KAZN: variants seen among roughly 807,000 people sequenced by gnomAD.
KAZN encodes kazrin.
In KAZN, 40 loss-of-function variants were observed where a neutral mutation model predicts 87.4. That is an observed-to-expected ratio of 0.46 (90% CI 0.36 to 0.60). The LOEUF is 0.60. Among genes scored for constraint, KAZN ranks in the 20% least tolerant of loss-of-function variants. The probability of loss-of-function intolerance (pLI) is 0.00; values close to 1 mark genes in which losing one functional copy is unlikely to be tolerated. For synonymous variants in KAZN, 466 were observed against 458.3 expected, an observed-to-expected ratio of 1.02 and a Z score of -0.22; for missense variants, 898 against 1,073.9, an observed-to-expected ratio of 0.84 and a Z score of 2.29.
rs780807573 is a variant in KAZN at position 14,382,529 on chromosome 1, T to C, written c.249+201937T>C. Among the ~76,000 whole-genome samples the C allele has an allele frequency of 2.7e-3, 376 of 137,908 alleles. 2 individuals carry two copies. The highest frequency in any genetic ancestry group is 3.9e-3 in the Non-Finnish European group (250 of 64,736). 90.5% of individuals were successfully genotyped at this position (137,908 alleles called of 152,430 possible). ...TTCCCCTTCCTGTGTCCATGTGTTCTCATTGTTCAATTCCCACCTATGAGT... is the reference window on the plus strand; with the variant it reads ...TTCCCCTTCCTGTGTCCATGTGTTCCCATTGTTCAATTCCCACCTATGAGT... On this transcript the variant is annotated intron_variant, in intron 2 of 16. Coordinates refer to the KAZN transcript ENST00000636203.
chr1:14,379,264 G>T (rs1382010026), intron 2 of KAZN, among the ~76,000 whole-genome samples: 4 of 151,772 alleles, frequency 2.6e-5, no homozygotes, highest in African/African-American at 9.7e-5. Context: ...ATGGTCCTTG[G>T]GTGAGACTCT....
chr1:14,667,553 G>C (rs996165705), intron 1 of KAZN, among the ~76,000 whole-genome samples: 4 of 152,180 alleles, frequency 2.6e-5, no homozygotes, highest in Non-Finnish European at 4.4e-5. Context: ...TGAATAAGTT[G>C]TGCTTTGCCA....
intron 2 of KAZN, among the ~76,000 whole-genome samples, chr1:14,371,784 A>C (rs979856700): frequency 7.2e-5 from 11 of 152,174 alleles, no homozygotes; most frequent in African/African-American, 2.4e-4. Flanking sequence ...AAGAAACCAC[A>C]ATCTGAAGAG....
In KAZN at chr1:14,418,336, C is replaced by G. The variant is rs1218794499; in HGVS notation, c.250-180647C>G. 1.5e-4 allele frequency among the ~76,000 whole-genome samples: 23 copies of G among 152,114 alleles called. 1 individual carries two copies. The highest frequency in any genetic ancestry group is 1.5e-3 in the Admixed American group (23 of 15,264). On this transcript the variant is annotated intron_variant, in intron 2 of 16. Transcript: ENST00000636203. ...TCCCCAGGAAAGTCTCAAGCCATGC[C>G]GGCTTGCTGTGATCAGTAAAGGAGA...
At chr1:14,565,485 G>T (rs1201282598) in intron 2 of KAZN, among the ~76,000 whole-genome samples, 4 of 152,120 alleles carry the variant, frequency 2.6e-5, no homozygotes, top group Non-Finnish European at 5.9e-5. Flanking sequence ...TGCTGATGGT[G>T]GCTGCTGGAG....
chr1:14,041,364 G>C (rs1641832988), intron 1 of KAZN, among the ~76,000 whole-genome samples: 1 of 152,106 alleles, frequency 6.6e-6, no homozygotes, highest in Non-Finnish European at 1.5e-5. Flanking sequence ...ATACCTTTAT[G>C]ATTTTATTTC....
At chr1:15,011,474 C>G (rs1418667783) in intron 2 of KAZN, among the ~76,000 whole-genome samples, 1 of 152,178 alleles carries the variant, frequency 6.6e-6, no homozygotes, top group Non-Finnish European at 1.5e-5. Flanking sequence ...TTGGGAGAGG[C>G]CCTCTTCCCA....
At chr1:14,024,279 A>C (rs935278186) in intron 1 of KAZN, among the ~76,000 whole-genome samples, 1 of 152,234 alleles carries the variant, frequency 6.6e-6, no homozygotes, top group Non-Finnish European at 1.5e-5. Flanking sequence ...ATCTTCATGA[A>C]AGTTTATGCA....
At chr1:14,269,079 A>G (rs1283752254) in intron 2 of KAZN, among the ~76,000 whole-genome samples, 1 of 152,200 alleles carries the variant, frequency 6.6e-6, no homozygotes. Flanking sequence ...TAAGGCTTTT[A>G]TTTGGCTGGG....
At chr1:14,918,229 CCTGT>C (rs1658033609) in intron 1 of KAZN, among the ~76,000 whole-genome samples, 1 of 152,152 alleles carries the variant, frequency 6.6e-6, no homozygotes, top group African/African-American at 2.4e-5. Flanking sequence ...GATGGGCTGT[CCTGT>C]CTGAGATTAG....
chr1:15,047,894 C>T (rs1673756210), intron 4 of KAZN, among the ~76,000 whole-genome samples: 1 of 152,220 alleles, frequency 6.6e-6, no homozygotes, highest in Non-Finnish European at 1.5e-5. Flanking sequence ...AATCTTACCT[C>T]TGTGAGGTCC....
At chr1:14,736,960 G>T (rs904160733) in intron 1 of KAZN, among the ~76,000 whole-genome samples, 1 of 152,194 alleles carries the variant, frequency 6.6e-6, no homozygotes, top group African/African-American at 2.4e-5. Context: ...TGACCTGAGA[G>T]AGCCGACTTT....
intron 2 of KAZN, among the ~76,000 whole-genome samples, chr1:15,002,330 A>C (rs539147389): frequency 2.6e-5 from 4 of 152,280 alleles, no homozygotes; most frequent in African/African-American, 9.6e-5. Context: ...ACAGAGAGAA[A>C]TCTGGGGGTA....
chr1:14,149,277 A>AT (rs3033858), intron 1 of KAZN, among the ~76,000 whole-genome samples: 4,143 of 141,942 alleles, frequency 0.029, 109 homozygotes, highest in South Asian at 0.047. Flanking sequence ...AATTTTTTGT[A>AT]TTTTTTTTTT....
chr1:14,546,356 C>T (rs1007200102), intron 2 of KAZN, among the ~76,000 whole-genome samples: 3 of 152,172 alleles, frequency 2.0e-5, no homozygotes, highest in African/African-American at 7.2e-5. Context: ...TCTTCCAAAG[C>T]TTAAGAAACA....
chr1:14,180,528 C>T lies in KAZN; in HGVS notation c.185C>T (p.Pro62Leu), dbSNP rs1362664742. Residue 62 changes from proline (P) to leucine (L), a missense_variant, in exon 2 of 17, where the codon CCC (proline) becomes CTC (leucine). Physicochemically the swap from Pro to Leu is moderately conservative, Grantham distance 98 (BLOSUM62 -3). Transcript: ENST00000636203. ...GAGGAGGACAAAGACCCTTTTCTAC[C>T]CACTGAGAAGGAGACTCTGAAGAGT... The T allele has an allele frequency of 2.6e-6, 4 of 1,549,970 alleles. No individual in the cohort carries two copies. In the Admixed American group the frequency reaches 7.8e-5, roughly 30 times the overall value.
chr1:14,523,904 C>T (rs1393424440), intron 2 of KAZN, among the ~76,000 whole-genome samples: 2 of 152,204 alleles, frequency 1.3e-5, no homozygotes, highest in Non-Finnish European at 2.9e-5. Flanking sequence ...ATAAAAATGC[C>T]ACATATGTCA....
At chr1:14,161,652 G>A (rs1447283829) in intron 1 of KAZN, among the ~76,000 whole-genome samples, 1 of 152,202 alleles carries the variant, frequency 6.6e-6, no homozygotes, top group Non-Finnish European at 1.5e-5. Context: ...TCTAGTGTAG[G>A]AGAGGACTAT....
At chr1:14,850,762 G>A in intron 1 of KAZN, among the ~76,000 whole-genome samples, 1 of 152,192 alleles carries the variant, frequency 6.6e-6, no homozygotes, top group East Asian at 1.9e-4. Flanking sequence ...GTCCCACAAA[G>A]ATGATAAGGG....
Sources: gnomAD v4.1 joint callset for allele counts (sites outside exome capture counted in the v4.1 genomes callset) on GRCh38, gnomAD v4.1.1 for gene constraint, MANE v1.5 for transcripts, NCBI Gene and HGNC (gene_info 2026-07-23, HGNC 2026-07-21) for gene names.